SPOCK1: variants seen among roughly 807,000 people sequenced by gnomAD.
The protein encoded by SPOCK1 is testican-1.
In SPOCK1, 23 loss-of-function variants were observed where a neutral mutation model predicts 55.3. That is an observed-to-expected ratio of 0.42 (90% CI 0.30 to 0.59). The LOEUF (loss-of-function observed/expected upper bound fraction) is 0.59, where lower values mean the gene tolerates loss of function less well. Among genes scored for constraint, SPOCK1 ranks in the 20% least tolerant of loss-of-function variants. The probability of loss-of-function intolerance (pLI) is 0.22; values close to 1 mark genes in which losing one functional copy is unlikely to be tolerated. For synonymous variants in SPOCK1, 226 were observed against 221.0 expected (o/e 1.02, Z -0.20); for missense variants, 499 against 552.5 (o/e 0.90, Z 0.97).
intron 2 of SPOCK1, among the ~76,000 whole-genome samples, chr5:137,272,146 G>A (rs1424657630): frequency 6.6e-6 from 1 of 152,148 alleles, no homozygotes; most frequent in Non-Finnish European, 1.5e-5. Context: ...CCAGATGGAG[G>A]CACACTCCAC....
At chr5:137,140,724 T>A in intron 3 of SPOCK1, 30 bp from the exon 4 acceptor site, 1 of 1,346,706 alleles carries the variant, frequency 7.4e-7, no homozygotes, top group Non-Finnish European at 1.0e-6. Flanking sequence ...GAGGGCAGGG[T>A]TTAGGACCTC....
At chr5:137,455,922 G>A (rs948173579) in intron 2 of SPOCK1, among the ~76,000 whole-genome samples, 1 of 152,088 alleles carries the variant, frequency 6.6e-6, no homozygotes. Context: ...CTAGCTACAC[G>A]GGAGGTGAAG....
intron 4 of SPOCK1, among the ~76,000 whole-genome samples, chr5:137,126,506 T>C (rs1365130068): frequency 2.6e-5 from 4 of 152,228 alleles, no homozygotes; most frequent in African/African-American, 9.6e-5. Context: ...CTCACACCTA[T>C]AATCCCAGCA....
chr5:137,115,402 G>T (rs923359544), intron 4 of SPOCK1, among the ~76,000 whole-genome samples: 1 of 151,782 alleles, frequency 6.6e-6, no homozygotes, highest in African/African-American at 2.4e-5. Context: ...AACGGAAGTT[G>T]TTCAGGAAAC....
chr5:137,018,387 A>G (rs1751492910), intron 6 of SPOCK1, among the ~76,000 whole-genome samples: 1 of 152,184 alleles, frequency 6.6e-6, no homozygotes, highest in Non-Finnish European at 1.5e-5. Flanking sequence ...TTCCTACTAT[A>G]ATACGTATAA....
chr5:137,323,961 T>C (rs1184959706), intron 2 of SPOCK1, among the ~76,000 whole-genome samples: 2 of 152,142 alleles, frequency 1.3e-5, no homozygotes, highest in African/African-American at 4.8e-5. Flanking sequence ...GATGCAGCCA[T>C]CCCACTTCCA....
intron 2 of SPOCK1, among the ~76,000 whole-genome samples, chr5:137,430,535 C>A (rs79912158): frequency 1.3e-3 from 196 of 152,322 alleles, no homozygotes; most frequent in African/African-American, 4.6e-3. Context: ...CCCCAGGAAG[C>A]TCCCAGCCTA....
intron 2 of SPOCK1, among the ~76,000 whole-genome samples, chr5:137,449,143 T>C (rs1753196062): frequency 6.6e-6 from 1 of 152,244 alleles, no homozygotes; most frequent in African/African-American, 2.4e-5. Flanking sequence ...CCTGGCACTC[T>C]TTCCAGCCTG....
chr5:137,478,282 C>A (rs895287110), intron 2 of SPOCK1, among the ~76,000 whole-genome samples: 1 of 152,118 alleles, frequency 6.6e-6, no homozygotes, highest in Non-Finnish European at 1.5e-5. Context: ...ATTGCTAGAG[C>A]AAAGATTAGT....
At chr5:137,462,036 G>A (rs1222268397) in intron 2 of SPOCK1, among the ~76,000 whole-genome samples, 1 of 152,124 alleles carries the variant, frequency 6.6e-6, no homozygotes, top group East Asian at 1.9e-4. Flanking sequence ...ATGACCCTCT[G>A]ACTATGCTGA....
At chr5:137,339,854 T>C (rs757153026) in intron 2 of SPOCK1, among the ~76,000 whole-genome samples, 18 of 152,038 alleles carry the variant, frequency 1.2e-4, no homozygotes, top group Admixed American at 2.0e-4. Context: ...TGAAAGCAAA[T>C]TGGAAGCCCC....
At chr5:137,483,506 G>A (rs538658624) in intron 2 of SPOCK1, among the ~76,000 whole-genome samples, 1 of 152,268 alleles carries the variant, frequency 6.6e-6, no homozygotes, top group African/African-American at 2.4e-5. Context: ...GAGCCTAGGA[G>A]AGTACCTGGC....
intron 5 of SPOCK1, among the ~76,000 whole-genome samples, chr5:137,107,122 C>T: frequency 6.6e-6 from 1 of 152,182 alleles, no homozygotes; most frequent in Admixed American, 6.5e-5. Flanking sequence ...CCAAATGTCC[C>T]TTATCTAAAC....
chr5:137,300,850 T>G (rs1219442379), intron 2 of SPOCK1, among the ~76,000 whole-genome samples: 1 of 152,200 alleles, frequency 6.6e-6, no homozygotes, highest in African/African-American at 2.4e-5. Flanking sequence ...CCACAGTGAA[T>G]GGAGGTCACC....
At chr5:137,328,223 C>T (rs1213188183) in intron 2 of SPOCK1, among the ~76,000 whole-genome samples, 1 of 152,362 alleles carries the variant, frequency 6.6e-6, no homozygotes, top group African/African-American at 2.4e-5. Flanking sequence ...GGCAAACTTA[C>T]TGAAGTCCCT....
At chr5:137,124,991 C>A (rs1211500863) in intron 4 of SPOCK1, among the ~76,000 whole-genome samples, 2 of 152,188 alleles carry the variant, frequency 1.3e-5, no homozygotes, top group Non-Finnish European at 2.9e-5. Flanking sequence ...TAGACACATT[C>A]TGAGTATTTT....
At chr5:137,232,188 AT>A (rs1561478966) in intron 3 of SPOCK1, among the ~76,000 whole-genome samples, 2 of 152,098 alleles carry the variant, frequency 1.3e-5, no homozygotes, top group African/African-American at 2.4e-5. Flanking sequence ...TTTTTTAAAA[AT>A]TTTTTAATAA....
chr5:137,358,639 C>G (rs932280049), intron 2 of SPOCK1, among the ~76,000 whole-genome samples: 1 of 152,132 alleles, frequency 6.6e-6, no homozygotes, highest in Non-Finnish European at 1.5e-5. Flanking sequence ...TTCCACCAAC[C>G]ATGACAAGAA....
chr5:137,239,727 T>G (rs537081561), intron 3 of SPOCK1, among the ~76,000 whole-genome samples: 1 of 152,140 alleles, frequency 6.6e-6, no homozygotes, highest in South Asian at 2.1e-4. Flanking sequence ...AGAGAAAAAG[T>G]TTTTCCCTTT....
Sources: gnomAD v4.1 joint callset for allele counts (sites outside exome capture counted in the v4.1 genomes callset) on GRCh38, gnomAD v4.1.1 for gene constraint, MANE v1.5 for transcripts, NCBI Gene and HGNC (gene_info 2026-07-23, HGNC 2026-07-21) for gene names.